DMD: variants seen among roughly 807,000 people sequenced by gnomAD.
DMD encodes the protein mutant dystrophin.
Under a neutral mutation model 330.1 loss-of-function variants are expected in DMD, and 63 were observed. The observed-to-expected ratio is 0.19, with a 90% CI of 0.16 to 0.24. The LOEUF is 0.24. DMD is among the 10% of genes least tolerant of loss of function. The pLI is 1.00. For missense variants in DMD, 3,344 were observed against 2,684.1 expected (o/e 1.25, Z -5.43); for synonymous variants, 1,223 against 959.8 (o/e 1.27, Z -5.07).
At chrX:32,731,755 C>T (rs2067694608) in intron 7 of DMD, among the ~76,000 whole-genome samples, 1 of 112,115 alleles carries the variant, frequency 8.9e-6, no homozygotes, top group African/African-American at 3.2e-5. Flanking sequence ...ACAAAAAACC[C>T]ATCTGGACGT....
At chrX:32,291,236 G>A (rs1237886418) in intron 42 of DMD, among the ~76,000 whole-genome samples, 2 of 111,668 alleles carry the variant, frequency 1.8e-5, no homozygotes, top group Non-Finnish European at 3.8e-5. Context: ...AAATATATTT[G>A]AAAGTAGGAA....
Position 32,644,982 on chromosome X carries a change from G to A in DMD, c.1131C>T (p.Asp377=). 4 of 1,211,310 alleles carry A rather than the reference G, an allele frequency of 3.3e-6. No homozygotes were observed. The highest frequency in any genetic ancestry group is 4.5e-6 in the Non-Finnish European group (4 of 895,311). The part of the protein sequence containing the change: ...EISNDVEVVK[D]QFHTHEGYMM... Reference sequence around the variant, plus strand: ...AGTTTACCTCATGAGTATGAAACTGGTCTTTCACCACTTCCACATCATTAG... The same window carrying A: ...AGTTTACCTCATGAGTATGAAACTGATCTTTCACCACTTCCACATCATTAG... The change falls in exon 10 of 79, where the codon GAC becomes GAT. Residue 377 remains aspartate (D), a synonymous_variant. Coordinates refer to ENST00000357033, the MANE Select transcript of DMD (RefSeq NM_004006.3).
intron 29 of DMD, among the ~76,000 whole-genome samples, chrX:32,436,049 T>C (rs1288459312): frequency 8.9e-6 from 1 of 112,066 alleles, no homozygotes; most frequent in East Asian, 2.8e-4. Flanking sequence ...CAATATTCTC[T>C]TCACACTAGC....
intron 21 of DMD, among the ~76,000 whole-genome samples, chrX:32,476,241 C>T (rs960434872): frequency 9.0e-6 from 1 of 111,295 alleles, no homozygotes; most frequent in African/African-American, 3.3e-5. Context: ...AATTATTGAT[C>T]TTTTTCTGTA....
At chrX:31,402,911 A>T (rs985107053) in intron 60 of DMD, among the ~76,000 whole-genome samples, 4 of 111,559 alleles carry the variant, frequency 3.6e-5, no homozygotes, top group African/African-American at 1.3e-4. Context: ...AGAAATATGA[A>T]GAAGTATGAG....
chrX:32,834,895 A>G (rs2079476965), intron 4 of DMD, among the ~76,000 whole-genome samples: 1 of 111,523 alleles, frequency 9.0e-6, no homozygotes, highest in Admixed American at 9.6e-5. Context: ...ATAAAATGTA[A>G]GCAAGGAAAT....
intron 48 of DMD, among the ~76,000 whole-genome samples, chrX:31,866,902 G>A (rs1297765860): frequency 3.6e-5 from 4 of 111,393 alleles, no homozygotes; most frequent in African/African-American, 9.8e-5. Context: ...TATGTTAATA[G>A]CCAATGCTGG....
At chrX:32,969,027 CAAAAAAAAAAAA>C (rs142087164) in intron 2 of DMD, among the ~76,000 whole-genome samples, 19 of 19,821 alleles carry the variant, frequency 9.6e-4, no homozygotes, top group African/African-American at 2.2e-3. Flanking sequence ...GATTCTGTCT[CAAAAAAAAAAAA>C]AAAAAAAAAA....
intron 1 of DMD, among the ~76,000 whole-genome samples, chrX:33,224,765 T>C (rs764812069): frequency 9.9e-5 from 11 of 111,234 alleles, no homozygotes; most frequent in Non-Finnish European, 1.9e-4. Flanking sequence ...TTGTAACGAA[T>C]GTACCACTCT....
At chrX:31,250,117 T>G (rs149432354) in intron 63 of DMD, among the ~76,000 whole-genome samples, 1 of 111,114 alleles carries the variant, frequency 9.0e-6, no homozygotes, top group Non-Finnish European at 1.9e-5. Context: ...AAAGTGACAA[T>G]AGGAAAGTCA....
intron 55 of DMD, among the ~76,000 whole-genome samples, chrX:31,603,952 A>T (rs1247219523): frequency 8.9e-6 from 1 of 112,214 alleles, no homozygotes; most frequent in African/African-American, 3.2e-5. Flanking sequence ...TGCTTCCACA[A>T]TCTCTATCAT....
chrX:32,464,193 T>C (rs1042594992), intron 24 of DMD, among the ~76,000 whole-genome samples: 2 of 111,897 alleles, frequency 1.8e-5, no homozygotes, highest in Non-Finnish European at 3.8e-5. Flanking sequence ...AAAGGATTCT[T>C]TACCTTTAAA....
chrX:32,835,142 A>C (rs2079504085), intron 4 of DMD, among the ~76,000 whole-genome samples: 1 of 112,089 alleles, frequency 8.9e-6, no homozygotes. Context: ...AGGAAAGTTT[A>C]AATTACCCAT....
chrX:32,482,568 T>A (rs971690732), intron 21 of DMD, among the ~76,000 whole-genome samples: 13 of 111,724 alleles, frequency 1.2e-4, no homozygotes, highest in African/African-American at 4.2e-4. Context: ...GACATGTGGG[T>A]TTCTTCTACG....
At chrX:32,379,890 C>T (rs1284666400) in intron 34 of DMD, among the ~76,000 whole-genome samples, 1 of 110,466 alleles carries the variant, frequency 9.1e-6, no homozygotes, top group Non-Finnish European at 1.9e-5. Context: ...TATCAACACA[C>T]TTTCAGGTAA....
intron 1 of DMD, among the ~76,000 whole-genome samples, chrX:33,059,428 A>AGTCG (rs1208461266): frequency 2.8e-5 from 3 of 109,006 alleles, no homozygotes; most frequent in African/African-American, 1.0e-4. Flanking sequence ...AAGATATATA[A>AGTCG]GTCGGATTTA....
In DMD at chrX:32,123,244, A is replaced by ATATAT. The variant is rs1569544914; in HGVS notation, c.6438+93671_6438+93672insATATA. Among the ~76,000 whole-genome samples the ATATAT allele has an allele frequency of 1.1e-3, 46 of 42,702 alleles. 2 individuals are homozygous for ATATAT. The highest frequency in any genetic ancestry group is 4.2e-3 in the African/African-American group (41 of 9,665). The allele number at this position is 42,702 out of a possible 115,157, so 37.1% of individuals were successfully genotyped here. A position where few individuals can be genotyped will look rare whatever the true frequency, so the allele number is the denominator to read the frequency against. On this transcript the variant is annotated intron_variant, in intron 44 of 78. Coordinates refer to ENST00000357033, the MANE Select transcript of DMD (RefSeq NM_004006.3). ...ATATATATATATATATATATATATA[A>ATATAT]ATGATCAAAATTGATGCTAATGAAA...
At position 32,452,334 on chromosome X, in the gene DMD, T is replaced by G. The variant is rs55772920; in HGVS notation, c.3603+2328A>C. ...GTGAAAGTGAAAGTGAAAGTGAAAG[T>G]GAAAGGGAAAGGGAAAGGGAAAGGG... On this transcript the variant is annotated intron_variant, in intron 26 of 78. Transcript: ENST00000357033. Among the ~76,000 whole-genome samples, 5,405 of 14,834 alleles carry G rather than the reference T, an allele frequency of 0.36. 1,638 individuals are homozygous for G. Among genetic ancestry groups the G allele is most frequent in the East Asian group, 0.69 (294 of 426 alleles). The allele number at this position is 14,834 out of a possible 115,157, so 12.9% of individuals were successfully genotyped here.
intron 62 of DMD, among the ~76,000 whole-genome samples, chrX:31,300,965 T>G (rs1019060191): frequency 1.8e-5 from 2 of 112,016 alleles, no homozygotes; most frequent in Non-Finnish European, 3.8e-5. Flanking sequence ...TAGAACAACC[T>G]GAAATCTGGA....
Sources: allele counts gnomAD v4.1 joint callset (sites outside exome capture counted in the v4.1 genomes callset), GRCh38; gene constraint gnomAD v4.1.1; transcripts MANE v1.5; gene names NCBI Gene and HGNC (gene_info 2026-07-23, HGNC 2026-07-21).